SUCLG2: variants seen among roughly 807,000 people sequenced by gnomAD.
SUCLG2 encodes the protein succinate--CoA ligase [GDP-forming] subunit beta, mitochondrial.
A neutral mutation model predicts 47.9 loss-of-function variants in SUCLG2; 42 were observed. That is an observed-to-expected ratio of 0.88 (90% CI 0.69 to 1.14). The LOEUF is 1.14. SUCLG2 is among the 50% of genes most tolerant of loss of function. The probability of loss-of-function intolerance (pLI) is 0.00; values close to 1 mark genes in which losing one functional copy is unlikely to be tolerated. For synonymous variants in SUCLG2, 195 were observed against 197.3 expected, an observed-to-expected ratio of 0.99 and a Z score of 0.10; for missense variants, 571 against 525.9, an observed-to-expected ratio of 1.09 and a Z score of -0.84.
intron 9 of SUCLG2, among the ~76,000 whole-genome samples, chr3:67,475,716 C>CCG: frequency 7.1e-6 from 1 of 141,082 alleles, no homozygotes; most frequent in East Asian, 2.3e-4. Flanking sequence ...TTTCCTTCCC[C>CCG]TCCTTTTTTT....
chr3:67,640,176 C>A (rs1701075870), intron 1 of SUCLG2, among the ~76,000 whole-genome samples: 1 of 152,226 alleles, frequency 6.6e-6, no homozygotes, highest in Non-Finnish European at 1.5e-5. Context: ...GAATTCAGCA[C>A]TATGTGACTC....
intron 9 of SUCLG2, among the ~76,000 whole-genome samples, chr3:67,411,091 T>G (rs1306317138): frequency 6.6e-6 from 1 of 152,196 alleles, no homozygotes; most frequent in Non-Finnish European, 1.5e-5. Flanking sequence ...ATCCATTTAT[T>G]AATCTATAAA....
chr3:67,526,718 A>G lies in SUCLG2; in HGVS notation c.417+1414T>C, dbSNP rs138652096. ...ACCAAATGCGGGCTAGAATGTGGAG[A>G]ACCCTGACCACTTACACATTGCTGA... On this transcript the variant is annotated intron_variant, in intron 4 of 10. Coordinates refer to ENST00000307227, the MANE Select transcript of SUCLG2 (RefSeq NM_003848.4). Among the ~76,000 whole-genome samples, 670 of 152,344 alleles carry G rather than the reference A, an allele frequency of 4.4e-3. 8 individuals carry two copies. In the East Asian group the frequency reaches 0.053, roughly 12 times the overall value.
At chr3:67,579,270 A>G in intron 2 of SUCLG2, among the ~76,000 whole-genome samples, 1 of 152,182 alleles carries the variant, frequency 6.6e-6, no homozygotes, top group East Asian at 1.9e-4. Flanking sequence ...GGCAATTACA[A>G]GATTAAGAGT....
At chr3:67,550,841 T>C (rs974783047) in intron 2 of SUCLG2, among the ~76,000 whole-genome samples, 1 of 149,332 alleles carries the variant, frequency 6.7e-6, no homozygotes, top group African/African-American at 2.5e-5. Context: ...TTTTCTTATC[T>C]ACAAAATGAA....
intron 10 of SUCLG2, 195 bp from the exon 11 acceptor site, chr3:67,376,054 G>C: frequency 1.0e-6 from 1 of 985,454 alleles, no homozygotes; most frequent in Non-Finnish European, 1.2e-6. Context: ...AGCTAGAAAA[G>C]AAGATGAAAG....
intron 2 of SUCLG2, among the ~76,000 whole-genome samples, chr3:67,590,949 A>T (rs763841004): frequency 1.4e-4 from 20 of 138,968 alleles, no homozygotes; most frequent in Non-Finnish European, 2.4e-4. Flanking sequence ...AGTAAAAATT[A>T]AAAAAAAACC....
intron 9 of SUCLG2, among the ~76,000 whole-genome samples, chr3:67,485,809 T>C (rs1705035996): frequency 6.6e-6 from 1 of 152,212 alleles, no homozygotes; most frequent in African/African-American, 2.4e-5. Flanking sequence ...TAAAATTTCC[T>C]CAAACTTTAA....
intron 2 of SUCLG2, among the ~76,000 whole-genome samples, chr3:67,606,012 A>T (rs1228318756): frequency 3.3e-5 from 5 of 152,026 alleles, no homozygotes; most frequent in African/African-American, 9.7e-5. Flanking sequence ...CAAACTGGGC[A>T]ACACAGAGAG....
chr3:67,652,016 C>T (rs942271057), intron 1 of SUCLG2, among the ~76,000 whole-genome samples: 1 of 152,148 alleles, frequency 6.6e-6, no homozygotes, highest in Non-Finnish European at 1.5e-5. Flanking sequence ...CATTCACCAT[C>T]CCCAAACCCC....
At chr3:67,609,428 T>C (rs1257278188) in intron 2 of SUCLG2, 27 bp downstream of exon 2, 3 of 1,602,812 alleles carry the variant, frequency 1.9e-6, no homozygotes, top group Non-Finnish European at 2.6e-6. Context: ...TGGGCAAGTG[T>C]ATTTCACCCA....
At chr3:67,452,706 C>T (rs1704084808) in intron 9 of SUCLG2, among the ~76,000 whole-genome samples, 1 of 152,168 alleles carries the variant, frequency 6.6e-6, no homozygotes, top group African/African-American at 2.4e-5. Flanking sequence ...AAGTAGATTA[C>T]TAAATCCAAC....
chr3:67,600,688 T>C (rs990446517), intron 2 of SUCLG2, among the ~76,000 whole-genome samples: 2 of 152,236 alleles, frequency 1.3e-5, no homozygotes, highest in Admixed American at 6.5e-5. Context: ...TTGAAGTTGG[T>C]TGAGATCTTG....
Position 67,654,608 on chromosome 3 carries a change from G to C in SUCLG2, c.-22C>G, listed in dbSNP as rs989192377. On this transcript the variant is annotated 5_prime_UTR_variant, in exon 1 of 11. Coordinates refer to ENST00000307227, the MANE Select transcript of SUCLG2 (RefSeq NM_003848.4). ...CCATCTTAAACAGGAAACTCGGCAC[G>C]GGGCAGTAGGGCGGGCGCGGGCAGG... 2 of 1,261,040 alleles carry C rather than the reference G, an allele frequency of 1.6e-6. No homozygotes were observed. The highest frequency in any genetic ancestry group is 2.0e-6 in the Non-Finnish European group (2 of 1,000,968). 78.1% of individuals were successfully genotyped at this position (1,261,040 alleles called of 1,614,324 possible).
chr3:67,487,681 C>A (rs1478576528), intron 9 of SUCLG2, among the ~76,000 whole-genome samples: 1 of 152,120 alleles, frequency 6.6e-6, no homozygotes, highest in African/African-American at 2.4e-5. Context: ...TAAAGAATTA[C>A]AGCAATGATA....
intron 2 of SUCLG2, among the ~76,000 whole-genome samples, chr3:67,601,827 T>C (rs1048258769): frequency 2.0e-5 from 3 of 151,574 alleles, no homozygotes; most frequent in Admixed American, 1.3e-4. Context: ...ATTAAAAATA[T>C]AAAAATTAGC....
chr3:67,504,949 T>C (rs1705596926), intron 7 of SUCLG2, among the ~76,000 whole-genome samples: 1 of 152,184 alleles, frequency 6.6e-6, no homozygotes, highest in Non-Finnish European at 1.5e-5. Flanking sequence ...ACAAGGAAAA[T>C]AACGATTAAT....
At chr3:67,511,661 T>A (rs548368046) in intron 6 of SUCLG2, among the ~76,000 whole-genome samples, 5 of 152,352 alleles carry the variant, frequency 3.3e-5, no homozygotes, top group African/African-American at 1.2e-4. Flanking sequence ...GTCTTTATTA[T>A]CAGCGTGAGA....
In SUCLG2 at chr3:67,498,251, A is replaced by T; in HGVS notation, c.802T>A (p.Phe268Ile). 6.2e-7 allele frequency: 1 copy of T among 1,613,902 alleles called. No homozygotes were observed. The highest frequency in any genetic ancestry group is 1.1e-5 in the South Asian group (1 of 91,062). Residue 268 changes from phenylalanine to isoleucine, a missense_variant, in exon 8 of 11, where the codon TTC becomes ATC. Physicochemically the swap from Phe to Ile is conservative, Grantham distance 21. Coordinates refer to ENST00000307227, the MANE Select transcript of SUCLG2 (RefSeq NM_003848.4). Reference sequence around the variant, plus strand: ...ATAGCAAATATGTCTTTTTGTCGGAATTCTGCGTTGTCATCAAAGTTTATC... The same window carrying T: ...ATAGCAAATATGTCTTTTTGTCGGATTTCTGCGTTGTCATCAAAGTTTATC... ...AKINFDDNAE[F>I]RQKDIFAMDD...
Sources: gnomAD v4.1 joint callset for allele counts (sites outside exome capture counted in the v4.1 genomes callset) on GRCh38, gnomAD v4.1.1 for gene constraint, MANE v1.5 for transcripts, NCBI Gene and HGNC (gene_info 2026-07-23, HGNC 2026-07-21) for gene names.